BICDL1: variants seen among roughly 807,000 people sequenced by gnomAD.
BICDL1 encodes the protein BICD family like cargo adaptor 1, also known as BICD family-like cargo adapter 1.
BICDL1 carries 20 observed loss-of-function variants against 76.8 expected under a neutral mutation model. The ratio of observed to expected loss-of-function variants is 0.26; its 90% CI spans 0.18 to 0.38. The LOEUF (loss-of-function observed/expected upper bound fraction) is 0.38. BICDL1 is among the 10% of genes least tolerant of loss of function. BICDL1 has a pLI of 1.00. For missense variants in BICDL1, 700 were observed against 798.6 expected, an observed-to-expected ratio of 0.88 and a Z score of 1.49; for synonymous variants, 383 against 337.1, an observed-to-expected ratio of 1.14 and a Z score of -1.49.
At chr12:120,052,848 T>C (rs1462667057) in intron 2 of BICDL1, among the ~76,000 whole-genome samples, 1 of 152,156 alleles carries the variant, frequency 6.6e-6, no homozygotes, top group Non-Finnish European at 1.5e-5. Flanking sequence ...CTTGGCTCAG[T>C]GCAACCTCTG....
intron 3 of BICDL1, among the ~76,000 whole-genome samples, chr12:120,062,640 G>A (rs1217862034): frequency 6.6e-6 from 1 of 152,150 alleles, no homozygotes; most frequent in Non-Finnish European, 1.5e-5. Context: ...GCCCTGCTCG[G>A]TAAATGACCT....
intron 2 of BICDL1, among the ~76,000 whole-genome samples, chr12:120,012,932 A>C (rs1268194579): frequency 6.6e-6 from 1 of 152,192 alleles, no homozygotes; most frequent in Non-Finnish European, 1.5e-5. Context: ...TGGGCTATAC[A>C]TGGAATATCA....
intron 2 of BICDL1, among the ~76,000 whole-genome samples, chr12:120,008,891 ATTAGTAGG>A (rs1334512763): frequency 6.6e-6 from 1 of 151,278 alleles, no homozygotes; most frequent in Admixed American, 6.6e-5. Flanking sequence ...GCTATTGCTA[ATTAGTAGG>A]TTAAACACAT....
At chr12:120,027,032 T>C (rs1453413502) in intron 2 of BICDL1, among the ~76,000 whole-genome samples, 2 of 148,718 alleles carry the variant, frequency 1.3e-5, no homozygotes, top group African/African-American at 5.0e-5. Flanking sequence ...AATTTCTTTT[T>C]TTTTTTTTTT....
intron 4 of BICDL1, among the ~76,000 whole-genome samples, chr12:120,065,838 C>T (rs189681423): frequency 6.6e-6 from 1 of 152,332 alleles, no homozygotes; most frequent in Admixed American, 6.5e-5. Context: ...ATGTCTTGGA[C>T]TAAGATTACT....
intron 3 of BICDL1, among the ~76,000 whole-genome samples, chr12:120,064,058 C>T (rs759999425): frequency 2.0e-5 from 3 of 152,174 alleles, no homozygotes; most frequent in Non-Finnish European, 2.9e-5. Context: ...AAAGAATTTG[C>T]GCCTCTTCAC....
In BICDL1 at chr12:119,998,589, A is replaced by T; in HGVS notation, c.498A>T (p.Arg166=). The change falls in exon 2 of 10, where the codon CGA becomes CGT. Residue 166 remains arginine, a synonymous_variant. Coordinates refer to ENST00000548673, the MANE Select transcript of BICDL1 (RefSeq NM_001367886.1). ...ACCGAGAAGGGGAGTGGGAAGGCCGAGTGTCAGAGCTGGAGAGTGATGTGA... is the reference window on the plus strand; with the variant it reads ...ACCGAGAAGGGGAGTGGGAAGGCCGTGTGTCAGAGCTGGAGAGTGATGTGA... The part of the protein sequence containing the change: ...FENREGEWEG[R]VSELESDVKQ... 1.2e-6 allele frequency: 2 copies of T among 1,614,078 alleles called. No homozygotes were observed. Among genetic ancestry groups the T allele is most frequent in the East Asian group, 4.5e-5 (2 of 44,886 alleles).
intron 1 of BICDL1, among the ~76,000 whole-genome samples, chr12:119,996,659 C>T (rs1182650724): frequency 6.9e-6 from 1 of 145,734 alleles, no homozygotes; most frequent in African/African-American, 2.7e-5. Context: ...CCTGTAGAAC[C>T]CAGTATATAT....
intron 2 of BICDL1, among the ~76,000 whole-genome samples, chr12:120,006,625 G>A (rs555434182): frequency 2.6e-5 from 4 of 152,188 alleles, no homozygotes; most frequent in Non-Finnish European, 5.9e-5. Flanking sequence ...GGTGAAGTTT[G>A]AGCAGGATAA....
Position 119,995,941 on chromosome 12 carries a change from A to G in BICDL1, c.430-2580A>G, listed in dbSNP as rs578075288. Among the ~76,000 whole-genome samples, 7 of 151,782 alleles carry G rather than the reference A, an allele frequency of 4.6e-5. No homozygotes were observed. The East Asian group carries it at 7.7e-4, about 17-fold the overall frequency. ...GCGGAGGTTGCAGTGAGCCGAGATC[A>G]TGCCACTGCACTCCAGCCTGGGAGA... is the stretch of plus-strand genomic sequence containing the variant. On this transcript the variant is annotated intron_variant, in intron 1 of 9. Transcript: ENST00000548673.
chr12:119,996,503 T>C (rs145013344), intron 1 of BICDL1, among the ~76,000 whole-genome samples: 6 of 152,312 alleles, frequency 3.9e-5, no homozygotes, highest in Admixed American at 3.9e-4. Context: ...TGAAAGATAT[T>C]TTGAATGGTG....
intron 2 of BICDL1, among the ~76,000 whole-genome samples, chr12:120,049,648 T>C (rs1356806321): frequency 6.6e-6 from 1 of 152,324 alleles, no homozygotes; most frequent in Admixed American, 6.5e-5. Context: ...GTTAGGAGAT[T>C]ATCAGCCATT....
intron 2 of BICDL1, among the ~76,000 whole-genome samples, chr12:120,051,621 G>A (rs1337574340): frequency 6.6e-6 from 1 of 151,888 alleles, no homozygotes; most frequent in Non-Finnish European, 1.5e-5. Context: ...GTGTCTTGGG[G>A]GCACAACTAG....
Position 120,093,215 on chromosome 12 carries a change from C to T in BICDL1, c.*54C>T, listed in dbSNP as rs988819240. ...GGTGGACTGGAGGCAGCTGGAAAGG[C>T]GGTGCAGGCAAGGCCTCCCCTGCAG... is the stretch of plus-strand genomic sequence containing the variant. On this transcript the variant is annotated 3_prime_UTR_variant, in exon 10 of 10. Coordinates refer to ENST00000548673, the MANE Select transcript of BICDL1 (RefSeq NM_001367886.1). 8.4e-6 allele frequency: 13 copies of T among 1,545,428 alleles called. No individual in the cohort carries two copies. Among genetic ancestry groups the T allele is most frequent in the African/African-American group, 2.7e-5 (2 of 72,964 alleles).
At chr12:120,032,215 G>A (rs956004101) in intron 2 of BICDL1, among the ~76,000 whole-genome samples, 8 of 152,202 alleles carry the variant, frequency 5.3e-5, no homozygotes, top group Admixed American at 1.3e-4. Flanking sequence ...GAGAAAATGA[G>A]TCCAGAATAA....
At chr12:120,056,956 G>C (rs1952987627) in intron 2 of BICDL1, 7 of 425,430 alleles carry the variant, frequency 1.6e-5, no homozygotes, top group South Asian at 1.3e-4. Flanking sequence ...CAGAGGGGAG[G>C]CTGGGCCCTG....
intron 2 of BICDL1, among the ~76,000 whole-genome samples, chr12:120,056,257 T>C (rs1347598296): frequency 6.6e-6 from 1 of 152,212 alleles, no homozygotes; most frequent in Non-Finnish European, 1.5e-5. Context: ...GAGTTTAAAA[T>C]GGAAAGAAAA....
At chr12:120,025,112 C>T (rs1342061725) in intron 2 of BICDL1, among the ~76,000 whole-genome samples, 21 of 149,020 alleles carry the variant, frequency 1.4e-4, no homozygotes, top group African/African-American at 4.0e-4. Flanking sequence ...TGCAGTGGCG[C>T]GATCTCAGCT....
At chr12:119,996,197 G>T (rs1423839491) in intron 1 of BICDL1, among the ~76,000 whole-genome samples, 1 of 152,062 alleles carries the variant, frequency 6.6e-6, no homozygotes, top group African/African-American at 2.4e-5. Context: ...TTGTCAACTT[G>T]GGAGTTTTCG....
Sources: allele counts gnomAD v4.1 joint callset (sites outside exome capture counted in the v4.1 genomes callset), GRCh38; gene constraint gnomAD v4.1.1; transcripts MANE v1.5; gene names NCBI Gene and HGNC (gene_info 2026-07-23, HGNC 2026-07-21).